Variants in CNTNAP5 observed in about 807,000 individuals in gnomAD.
CNTNAP5 encodes the protein contactin-associated protein-like 5.
A neutral mutation model predicts 150.2 loss-of-function variants in CNTNAP5; 72 were observed. The ratio of observed to expected loss-of-function variants is 0.48; its 90% CI spans 0.40 to 0.58. CNTNAP5 has a LOEUF of 0.58. CNTNAP5 is among the 20% of genes least tolerant of loss of function. The pLI, the probability that CNTNAP5 is intolerant of heterozygous loss-of-function variation, is 0.00. For missense variants in CNTNAP5, 1,636 were observed against 1,626.2 expected, an observed-to-expected ratio of 1.01 and a Z score of -0.10; for synonymous variants, 672 against 619.8, an observed-to-expected ratio of 1.08 and a Z score of -1.25.
At chr2:124,232,307 A>T (rs778090296) in intron 2 of CNTNAP5, among the ~76,000 whole-genome samples, 8 of 152,184 alleles carry the variant, frequency 5.3e-5, no homozygotes, top group Non-Finnish European at 8.8e-5. Flanking sequence ...AGGAGGAAAT[A>T]AGCTATGTTC....
intron 13 of CNTNAP5, among the ~76,000 whole-genome samples, chr2:124,667,460 C>T (rs141637611): frequency 6.6e-6 from 1 of 152,228 alleles, no homozygotes; most frequent in Admixed American, 6.5e-5. Context: ...CTGCTCATTG[C>T]ACCTGCTCCT....
intron 21 of CNTNAP5, among the ~76,000 whole-genome samples, chr2:124,899,927 C>T (rs1012394332): frequency 6.6e-6 from 1 of 151,090 alleles, no homozygotes; most frequent in African/African-American, 2.5e-5. Flanking sequence ...TTTTTGCAAC[C>T]CATTTTTTAG....
intron 3 of CNTNAP5, among the ~76,000 whole-genome samples, chr2:124,302,424 G>A (rs1204810652): frequency 6.6e-6 from 1 of 152,182 alleles, no homozygotes; most frequent in Admixed American, 6.5e-5. Context: ...CTAGAGGCTG[G>A]GAAATCCAAG....
intron 6 of CNTNAP5, among the ~76,000 whole-genome samples, chr2:124,470,029 T>C (rs913643994): frequency 1.3e-5 from 2 of 152,218 alleles, no homozygotes; most frequent in African/African-American, 4.8e-5. Flanking sequence ...AGTGCTGCAA[T>C]GAACATATAT....
intron 21 of CNTNAP5, among the ~76,000 whole-genome samples, chr2:124,872,561 T>C (rs1202249882): frequency 1.3e-5 from 2 of 152,024 alleles, no homozygotes; most frequent in African/African-American, 4.8e-5. Flanking sequence ...TAGGACAATT[T>C]TAATTTCTCA....
chr2:124,151,089 C>T (rs536025044), intron 1 of CNTNAP5, among the ~76,000 whole-genome samples: 8 of 152,232 alleles, frequency 5.3e-5, no homozygotes, highest in Admixed American at 2.0e-4. Flanking sequence ...AGACCTAACA[C>T]GGTCTAGGAT....
At chr2:124,734,298 C>A (rs1196325627) in intron 13 of CNTNAP5, among the ~76,000 whole-genome samples, 1 of 151,964 alleles carries the variant, frequency 6.6e-6, no homozygotes, top group Non-Finnish European at 1.5e-5. Flanking sequence ...AAAATGTTAT[C>A]ATCTTCCCAT....
intron 8 of CNTNAP5, among the ~76,000 whole-genome samples, chr2:124,515,344 T>C (rs1253909779): frequency 6.6e-6 from 1 of 152,122 alleles, no homozygotes; most frequent in African/African-American, 2.4e-5. Flanking sequence ...GTTATCCCAC[T>C]GGGAAGAGGA....
chr2:124,335,467 T>A (rs755607525), intron 3 of CNTNAP5, among the ~76,000 whole-genome samples: 6 of 151,318 alleles, frequency 4.0e-5, no homozygotes, highest in Non-Finnish European at 5.9e-5. Context: ...GGATATAAGA[T>A]GAAAAGAGAA....
At position 124,914,523 on chromosome 2, in the gene CNTNAP5, A is replaced by G. The variant is rs1470613975; in HGVS notation, c.*235A>G. 4.1e-6 allele frequency: 2 copies of G among 491,384 alleles called. No individual in the cohort carries two copies. Among genetic ancestry groups the G allele is most frequent in the African/African-American group, 1.9e-5 (1 of 51,414 alleles). 30.4% of individuals were successfully genotyped at this position (491,384 alleles called of 1,614,324 possible). On this transcript the variant is annotated 3_prime_UTR_variant, in exon 24 of 24. Coordinates refer to ENST00000682447, the MANE Select transcript of CNTNAP5 (RefSeq NM_001367498.1). The stretch of plus-strand genomic sequence containing the variant: ...TATCGGGTGAAAACGACCACTCAAG[A>G]GACTGACTTCGCCATTCAAGACAAG...
At chr2:124,400,669 G>GTTTCTTTTTTT (rs1691388260) in intron 3 of CNTNAP5, among the ~76,000 whole-genome samples, 1 of 84,498 alleles carries the variant, frequency 1.2e-5, no homozygotes, top group Non-Finnish European at 2.6e-5. Flanking sequence ...TAAAGGCATT[G>GTTTCTTTTTTT]TTTTTTTTTT....
chr2:124,242,460 C>T (rs988749363), intron 3 of CNTNAP5, 67 bp downstream of exon 3: 97 of 1,410,304 alleles, frequency 6.9e-5, no homozygotes, highest in African/African-American at 5.6e-4. Flanking sequence ...AGTATATTTC[C>T]GTCATTTTCC....
intron 18 of CNTNAP5, among the ~76,000 whole-genome samples, chr2:124,792,834 A>C (rs1330194587): frequency 1.3e-5 from 2 of 152,190 alleles, no homozygotes; most frequent in East Asian, 3.9e-4. Flanking sequence ...GTCCCAGTTC[A>C]TCCATGTTAT....
At chr2:124,407,006 T>A (rs1268984543) in intron 3 of CNTNAP5, among the ~76,000 whole-genome samples, 2 of 152,178 alleles carry the variant, frequency 1.3e-5, no homozygotes, top group African/African-American at 4.8e-5. Flanking sequence ...TCCAGTTCCG[T>A]CCATGTTGTT....
chr2:124,851,902 T>A (rs1683166737), intron 19 of CNTNAP5, among the ~76,000 whole-genome samples: 1 of 152,168 alleles, frequency 6.6e-6, no homozygotes, highest in Non-Finnish European at 1.5e-5. Flanking sequence ...GCAGGCATTG[T>A]TCGGACAAAC....
Position 124,123,701 on chromosome 2 carries a change from G to A in CNTNAP5, c.82+97969G>A, listed in dbSNP as rs570709540. ...ATATGGCCAGGTGCCCCTCTGAGAC[G>A]AAGCTTCCAGAAGGACGATCTGACA... On this transcript the variant is annotated intron_variant, in intron 1 of 23. Coordinates refer to ENST00000682447, the MANE Select transcript of CNTNAP5 (RefSeq NM_001367498.1). 6.6e-5 allele frequency among the ~76,000 whole-genome samples: 10 copies of A among 152,238 alleles called. No individual in the cohort carries two copies. In the South Asian group the frequency reaches 1.2e-3, roughly 19 times the overall value.
chr2:124,424,271 T>C lies in CNTNAP5; in HGVS notation c.529+6681T>C, dbSNP rs551911523. Among the ~76,000 whole-genome samples the C allele has an allele frequency of 3.2e-4, 49 of 152,310 alleles. 1 individual carries two copies. The East Asian group carries it at 4.3e-3, about 13-fold the overall frequency. ...ATACATGGTAGAGGCCACACAGTTG[T>C]AAATCTCACCTCTGACATGCTAAGG... On this transcript the variant is annotated intron_variant, in intron 4 of 23. Transcript: ENST00000682447.
intron 3 of CNTNAP5, among the ~76,000 whole-genome samples, chr2:124,328,768 GT>G (rs1366532543): frequency 6.6e-6 from 1 of 152,150 alleles, no homozygotes; most frequent in African/African-American, 2.4e-5. Context: ...AAAGGGGGTA[GT>G]TTTTTATCCT....
chr2:124,763,340 G>A (rs1442090735), intron 14 of CNTNAP5, among the ~76,000 whole-genome samples: 1 of 152,182 alleles, frequency 6.6e-6, no homozygotes, highest in East Asian at 1.9e-4. Flanking sequence ...TTATGGGAAT[G>A]AGAGGTGAGG....
Sources: gnomAD v4.1 joint callset for allele counts (sites outside exome capture counted in the v4.1 genomes callset) on GRCh38, gnomAD v4.1.1 for gene constraint, MANE v1.5 for transcripts, NCBI Gene and HGNC (gene_info 2026-07-23, HGNC 2026-07-21) for gene names.